The following ITFG1 variants were observed in gnomAD, a reference collection of about 807,000 sequenced individuals.
The protein encoded by ITFG1 is integrin alpha FG-GAP repeat containing 1, also known as T-cell immunomodulatory protein.
A neutral mutation model predicts 81.8 loss-of-function variants in ITFG1; 34 were observed. That is an observed-to-expected ratio of 0.42 (90% confidence interval 0.32 to 0.55). ITFG1 has a LOEUF of 0.55. ITFG1 is among the 20% of genes least tolerant of loss of function. The pLI is 0.17. For missense variants in ITFG1, 672 were observed against 755.4 expected (o/e 0.89, Z 1.29); for synonymous variants, 285 against 270.6 (o/e 1.05, Z -0.52).
intron 6 of ITFG1, among the ~76,000 whole-genome samples, chr16:47,407,092 C>G (rs552489083): frequency 1.3e-5 from 2 of 152,196 alleles, no homozygotes; most frequent in African/African-American, 4.8e-5. Context: ...GCTATTTATC[C>G]AAATGTAATG....
At chr16:47,171,481 C>T (rs1038154647) in intron 14 of ITFG1, among the ~76,000 whole-genome samples, 1 of 152,002 alleles carries the variant, frequency 6.6e-6, no homozygotes, top group East Asian at 1.9e-4. Flanking sequence ...TTGATCTTTT[C>T]AAAGAACCAA....
chr16:47,155,876 G>A (rs979579637), intron 17 of ITFG1, 98 bp from the exon 18 acceptor site: 9 of 790,142 alleles, frequency 1.1e-5, no homozygotes, highest in Admixed American at 7.4e-5. Context: ...AAAGTCTCCA[G>A]CAATTAGCAG....
intron 4 of ITFG1, among the ~76,000 whole-genome samples, chr16:47,452,154 T>A (rs1429577144): frequency 6.6e-6 from 1 of 152,218 alleles, no homozygotes; most frequent in Non-Finnish European, 1.5e-5. Context: ...TGTATGGGTA[T>A]GATTTTAATA....
chr16:47,208,775 C>A (rs1044958045), intron 14 of ITFG1, among the ~76,000 whole-genome samples: 1 of 152,122 alleles, frequency 6.6e-6, no homozygotes, highest in Non-Finnish European at 1.5e-5. Flanking sequence ...TTAGAGATAA[C>A]CAACTTCTCT....
chr16:47,258,798 A>G (rs1966170855), intron 11 of ITFG1, 58 bp from the exon 12 acceptor site: 1 of 705,242 alleles, frequency 1.4e-6, no homozygotes, highest in African/African-American at 1.9e-5. Context: ...TAAAAAAAAA[A>G]TGACCATTAA....
chr16:47,215,880 T>G (rs1965619151), intron 14 of ITFG1, among the ~76,000 whole-genome samples: 1 of 152,222 alleles, frequency 6.6e-6, no homozygotes, highest in Non-Finnish European at 1.5e-5. Flanking sequence ...TGAAAATTTA[T>G]GCATTCATTT....
At chr16:47,309,880 A>C (rs979143381) in intron 10 of ITFG1, among the ~76,000 whole-genome samples, 1 of 152,266 alleles carries the variant, frequency 6.6e-6, no homozygotes, top group African/African-American at 2.4e-5. Flanking sequence ...ATGAGTAATC[A>C]CAGGATTAAA....
chr16:47,176,385 T>C (rs1965024396), intron 14 of ITFG1, among the ~76,000 whole-genome samples: 1 of 152,142 alleles, frequency 6.6e-6, no homozygotes, highest in Non-Finnish European at 1.5e-5. Context: ...GTGAGGAAGA[T>C]ATGTAATTTG....
intron 17 of ITFG1, among the ~76,000 whole-genome samples, chr16:47,157,785 A>C (rs374433849): frequency 6.6e-6 from 1 of 152,222 alleles, no homozygotes; most frequent in Non-Finnish European, 1.5e-5. Flanking sequence ...AAACACGGTA[A>C]TTCTAGCAAA....
chr16:47,193,962 A>C (rs558368293), intron 14 of ITFG1, among the ~76,000 whole-genome samples: 27 of 152,238 alleles, frequency 1.8e-4, no homozygotes, highest in Non-Finnish European at 3.7e-4. Flanking sequence ...GTTTTTCCTC[A>C]ATGAAGTTAA....
At chr16:47,332,373 A>C (rs992346415) in intron 8 of ITFG1, among the ~76,000 whole-genome samples, 26 of 152,178 alleles carry the variant, frequency 1.7e-4, no homozygotes, top group Non-Finnish European at 3.7e-4. Context: ...TATGTTCAAA[A>C]GCAAGGTGCA....
intron 8 of ITFG1, among the ~76,000 whole-genome samples, chr16:47,321,718 C>T (rs1228462806): frequency 6.6e-6 from 1 of 152,004 alleles, no homozygotes; most frequent in African/African-American, 2.4e-5. Flanking sequence ...ATACACAATG[C>T]TACATTTTTG....
intron 5 of ITFG1, among the ~76,000 whole-genome samples, chr16:47,443,844 A>C (rs747115140): frequency 9.9e-5 from 15 of 152,202 alleles, no homozygotes; most frequent in Non-Finnish European, 1.6e-4. Context: ...ACATGTATAC[A>C]TATGTGACAA....
intron 6 of ITFG1, among the ~76,000 whole-genome samples, chr16:47,406,701 G>A (rs1246074407): frequency 6.6e-6 from 1 of 152,136 alleles, no homozygotes; most frequent in African/African-American, 2.4e-5. Context: ...TAAGTATATA[G>A]TATTTTAGCA....
chr16:47,442,229 C>A (rs1969261815), intron 5 of ITFG1, among the ~76,000 whole-genome samples: 1 of 152,108 alleles, frequency 6.6e-6, no homozygotes, highest in Admixed American at 6.5e-5. Flanking sequence ...TAGGAACAAT[C>A]AATATCGTGA....
At chr16:47,386,036 A>G (rs1968457188) in intron 6 of ITFG1, among the ~76,000 whole-genome samples, 1 of 152,186 alleles carries the variant, frequency 6.6e-6, no homozygotes, top group African/African-American at 2.4e-5. Flanking sequence ...TGACTTAAAC[A>G]AAAAAACATC....
chr16:47,175,953 C>T (rs1965019518), intron 14 of ITFG1, among the ~76,000 whole-genome samples: 1 of 152,108 alleles, frequency 6.6e-6, no homozygotes. Context: ...ATTGGTGTGT[C>T]TAAGCTCACT....
At chr16:47,192,004 C>T (rs914932598) in intron 14 of ITFG1, among the ~76,000 whole-genome samples, 3 of 152,132 alleles carry the variant, frequency 2.0e-5, no homozygotes, top group Non-Finnish European at 2.9e-5. Flanking sequence ...AGTCTCGAAC[C>T]CCTGGGCTCA....
intron 10 of ITFG1, among the ~76,000 whole-genome samples, chr16:47,307,895 T>C (rs1360848757): frequency 1.3e-5 from 2 of 152,208 alleles, no homozygotes; most frequent in African/African-American, 2.4e-5. Context: ...GAACATGCAG[T>C]GTTTGATTTT....
Sources: allele counts gnomAD v4.1 joint callset (sites outside exome capture counted in the v4.1 genomes callset), GRCh38; gene constraint gnomAD v4.1.1; transcripts MANE v1.5; gene names NCBI Gene and HGNC (gene_info 2026-07-23, HGNC 2026-07-21).